The following CTNND2 variants were observed in gnomAD, a reference collection of about 807,000 sequenced individuals.
The protein encoded by CTNND2 is catenin delta-2.
A neutral mutation model predicts 144.4 loss-of-function variants in CTNND2; 22 were observed. The observed-to-expected ratio is 0.15, with a 90% CI of 0.11 to 0.22. The LOEUF is 0.22. Ranked by LOEUF, CTNND2 falls within the 10% of genes least tolerant of loss-of-function variation. CTNND2 has a pLI of 1.00. For synonymous variants in CTNND2, 751 were observed against 695.6 expected (o/e 1.08, Z -1.25); for missense variants, 1,353 against 1,618.8 (o/e 0.84, Z 2.82).
chr5:11,354,116 T>A (rs775243175), intron 8 of CTNND2, among the ~76,000 whole-genome samples: 4 of 152,144 alleles, frequency 2.6e-5, no homozygotes, highest in Non-Finnish European at 5.9e-5. Flanking sequence ...GAGAGCCAGA[T>A]GAGAAGAGAT....
rs1758840467 is a variant in CTNND2, at chr5:11,384,529, G to A, written c.1177+136C>T. ...ACTGACTTGTTCCAGGAAAGCCCTG[G>A]CGTTCTCTGTCTCCTGCAACTACTA... On this transcript the variant is annotated intron_variant, in intron 7 of 21. Coordinates refer to ENST00000304623, the MANE Select transcript of CTNND2 (RefSeq NM_001332.4). This position sits in a 1 kb window ranked among gnomAD's most constrained non-coding sequence, Gnocchi z 5.2. The A allele has an allele frequency of 1.4e-6, 1 of 724,646 alleles. No homozygotes were observed. The highest frequency in any genetic ancestry group is 2.2e-6 in the Non-Finnish European group (1 of 450,984). The allele number at this position is 724,646 out of a possible 1,614,324, so 44.9% of individuals were successfully genotyped here.
intron 12 of CTNND2, among the ~76,000 whole-genome samples, chr5:11,153,660 C>G (rs1757954253): frequency 6.6e-6 from 1 of 152,052 alleles, no homozygotes; most frequent in African/African-American, 2.4e-5. Context: ...CAATCGTAAG[C>G]AAAGGCACAG....
intron 3 of CTNND2, among the ~76,000 whole-genome samples, chr5:11,544,288 A>G (rs1775022262): frequency 6.6e-6 from 1 of 152,132 alleles, no homozygotes; most frequent in Admixed American, 6.5e-5. Flanking sequence ...TTGAACTTCT[A>G]GAAATGAAAA....
intron 16 of CTNND2, among the ~76,000 whole-genome samples, chr5:11,051,632 A>G (rs1056122545): frequency 2.6e-5 from 4 of 152,230 alleles, no homozygotes; most frequent in Admixed American, 2.0e-4. Context: ...TTTTCATGAG[A>G]GTTGAGTCAT....
chr5:11,825,583 G>T (rs1190346831), intron 1 of CTNND2, among the ~76,000 whole-genome samples: 1 of 151,958 alleles, frequency 6.6e-6, no homozygotes, highest in East Asian at 1.9e-4. Flanking sequence ...CAACAAACCA[G>T]AGACTATCAG....
At chr5:11,319,020 C>T (rs1751782481) in intron 9 of CTNND2, among the ~76,000 whole-genome samples, 1 of 152,098 alleles carries the variant, frequency 6.6e-6, no homozygotes, top group Non-Finnish European at 1.5e-5. Context: ...TTACTCTACA[C>T]AGCAATTGTT....
intron 1 of CTNND2, among the ~76,000 whole-genome samples, chr5:11,826,587 A>C (rs2126952770): frequency 6.6e-6 from 1 of 152,134 alleles, no homozygotes; most frequent in East Asian, 1.9e-4. Context: ...AGTGATATCC[A>C]ATCTAATATG....
chr5:11,829,775 G>A (rs1793797692), intron 1 of CTNND2, among the ~76,000 whole-genome samples: 1 of 152,114 alleles, frequency 6.6e-6, no homozygotes, highest in South Asian at 2.1e-4. Context: ...GTGAGAAGAG[G>A]GCCACCATCC....
intron 9 of CTNND2, among the ~76,000 whole-genome samples, chr5:11,253,801 T>C (rs1026341696): frequency 1.3e-5 from 2 of 152,242 alleles, no homozygotes; most frequent in Non-Finnish European, 2.9e-5. Flanking sequence ...CTGCTCACCT[T>C]AGTGTTCTCC....
At chr5:11,059,248 C>T (rs1436222061) in intron 16 of CTNND2, among the ~76,000 whole-genome samples, 1 of 152,188 alleles carries the variant, frequency 6.6e-6, no homozygotes, top group Admixed American at 6.5e-5. Context: ...GTAACTCCCA[C>T]AATTCCCACA....
Position 11,616,765 on chromosome 5 carries a change from C to A in CTNND2, c.175-51709G>T, listed in dbSNP as rs536479608. Among the ~76,000 whole-genome samples, 3 of 152,230 alleles carry A rather than the reference C, an allele frequency of 2.0e-5. No homozygotes were observed. The South Asian group carries it at 6.2e-4, about 32-fold the overall frequency. On this transcript the variant is annotated intron_variant, in intron 2 of 21. Coordinates refer to ENST00000304623, the MANE Select transcript of CTNND2 (RefSeq NM_001332.4). ...GGGATTACAGGCATGTGCTACCACG[C>A]CCGGCTAAGTTTTGTATTTTTAGCA...
At chr5:11,334,605 T>G (rs552314944) in intron 9 of CTNND2, among the ~76,000 whole-genome samples, 115 of 152,324 alleles carry the variant, frequency 7.5e-4, no homozygotes, top group African/African-American at 2.5e-3. Context: ...CCTTCATATG[T>G]AACTAACTTG....
chr5:11,632,915 C>T (rs545962007), intron 2 of CTNND2, among the ~76,000 whole-genome samples: 10 of 152,154 alleles, frequency 6.6e-5, no homozygotes, highest in East Asian at 1.9e-4. Flanking sequence ...AAAATCTCAG[C>T]GTACTTGAAG....
chr5:11,122,010 G>T (rs562711910), intron 12 of CTNND2, among the ~76,000 whole-genome samples: 27 of 152,256 alleles, frequency 1.8e-4, no homozygotes, highest in South Asian at 1.0e-3. Context: ...TCATTCTCAT[G>T]TTTATACCTA....
At chr5:11,252,760 C>T (rs2188857) in intron 9 of CTNND2, among the ~76,000 whole-genome samples, 9,660 of 152,268 alleles carry the variant, frequency 0.063, 430 homozygotes, top group Admixed American at 0.11. Flanking sequence ...ACTCTCTCAT[C>T]AAACACTTTT....
At chr5:11,741,188 T>C (rs1561751738) in intron 1 of CTNND2, among the ~76,000 whole-genome samples, 2 of 152,148 alleles carry the variant, frequency 1.3e-5, no homozygotes, top group African/African-American at 4.8e-5. Context: ...GGACTAGAAA[T>C]ACCATTTGGC....
intron 1 of CTNND2, among the ~76,000 whole-genome samples, chr5:11,802,994 A>C (rs534505445): frequency 2.0e-5 from 3 of 152,300 alleles, no homozygotes; most frequent in African/African-American, 7.2e-5. Flanking sequence ...TTTGTTAACC[A>C]AAGGTAAGTT....
At chr5:11,611,550 G>T (rs1780324528) in intron 2 of CTNND2, among the ~76,000 whole-genome samples, 1 of 152,170 alleles carries the variant, frequency 6.6e-6, no homozygotes, top group Admixed American at 6.5e-5. Flanking sequence ...GGCAGAGGCA[G>T]GTGGATTACA....
chr5:11,894,014 T>A (rs549158423), intron 1 of CTNND2, among the ~76,000 whole-genome samples: 3 of 152,328 alleles, frequency 2.0e-5, no homozygotes, highest in African/African-American at 7.2e-5. Flanking sequence ...GAATCGAGAA[T>A]AAATTAGATT....
Sources: gnomAD v4.1 joint callset for allele counts (sites outside exome capture counted in the v4.1 genomes callset) on GRCh38, gnomAD v4.1.1 for gene constraint, Gnocchi (gnomAD v3.1) non-coding constraint, MANE v1.5 for transcripts, NCBI Gene and HGNC (gene_info 2026-07-23, HGNC 2026-07-21) for gene names.